MYMX: variants seen among roughly 807,000 people sequenced by gnomAD.
MYMX encodes the protein protein myomixer.
At chr6:44,202,525 G>A in the MYMX span, among the ~76,000 whole-genome samples, 85,018 of 151,668 alleles carry the variant, frequency 0.56, 25,678 homozygotes, top group African/African-American at 0.77. Context: ...TCAGGGAAGT[G>A]CAGGAAGGAT....
At chr6:44,204,542 A>T in the MYMX span, among the ~76,000 whole-genome samples, 1 of 152,218 alleles carries the variant, frequency 6.6e-6, no homozygotes, top group Non-Finnish European at 1.5e-5. Context: ...TTGCTCTGAA[A>T]AGCTGTTCTT....
At chr6:44,193,183 G>A in the MYMX span, among the ~76,000 whole-genome samples, 5 of 152,146 alleles carry the variant, frequency 3.3e-5, no homozygotes, top group Non-Finnish European at 5.9e-5. Context: ...CCATATACTT[G>A]TAAATAATAA....
At chr6:44,196,431 C>A in the MYMX span, among the ~76,000 whole-genome samples, 1 of 152,208 alleles carries the variant, frequency 6.6e-6, no homozygotes, top group Admixed American at 6.5e-5. Context: ...GTAATGCCAG[C>A]ACTTTGGGAG....
chr6:44,194,182 T>C, the MYMX span, among the ~76,000 whole-genome samples: 2 of 152,240 alleles, frequency 1.3e-5, no homozygotes, highest in Admixed American at 6.5e-5. Context: ...TCTGTTGTCA[T>C]AATTGGTATG....
chr6:44,211,464 T>G, the MYMX span, among the ~76,000 whole-genome samples: 1 of 151,622 alleles, frequency 6.6e-6, no homozygotes, highest in South Asian at 2.1e-4. Context: ...AATGGGGAGG[T>G]GCATGGGGAA....
upstream of MYMX, among the ~76,000 whole-genome samples, chr6:44,215,651 T>G (rs1330928703): frequency 6.6e-6 from 1 of 151,918 alleles, no homozygotes; most frequent in African/African-American, 2.4e-5. Context: ...TCCCAACACT[T>G]TGGGAGGCCA....
chr6:44,205,048 G>A, the MYMX span, among the ~76,000 whole-genome samples: 2 of 151,908 alleles, frequency 1.3e-5, no homozygotes, highest in Non-Finnish European at 2.9e-5. Context: ...TTTGGCCAAC[G>A]GGTGAGCATG....
chr6:44,210,235 G>A, the MYMX span, among the ~76,000 whole-genome samples: 15 of 151,364 alleles, frequency 9.9e-5, no homozygotes, highest in African/African-American at 2.7e-4. Flanking sequence ...GTGAGCCACC[G>A]GGCCCGGCCA....
chr6:44,210,655 T>A, the MYMX span, among the ~76,000 whole-genome samples: 1 of 152,248 alleles, frequency 6.6e-6, no homozygotes, highest in Non-Finnish European at 1.5e-5. Context: ...TTACTCTCTT[T>A]AAGTTATACT....
the MYMX span, among the ~76,000 whole-genome samples, chr6:44,194,616 G>T: frequency 2.6e-5 from 4 of 152,188 alleles, no homozygotes; most frequent in Admixed American, 6.5e-5. Context: ...GAGAGGAAAG[G>T]CAGGGTGGAA....
At chr6:44,213,241 C>A (rs1223621720), upstream of MYMX, among the ~76,000 whole-genome samples, 1 of 151,266 alleles carries the variant, frequency 6.6e-6, no homozygotes, top group African/African-American at 2.4e-5. Context: ...CAAAAATTAG[C>A]TGGGCGTGGT....
the MYMX span, among the ~76,000 whole-genome samples, chr6:44,204,974 C>T: frequency 6.6e-6 from 1 of 152,078 alleles, no homozygotes; most frequent in South Asian, 2.1e-4. Context: ...AGTTTGAGTA[C>T]CTGATGTGCA....
the MYMX span, among the ~76,000 whole-genome samples, chr6:44,196,401 G>C: frequency 2.0e-4 from 30 of 152,260 alleles, 1 homozygote; most frequent in East Asian, 5.2e-3. Flanking sequence ...TCTTTAGGCT[G>C]GGAGCAGTGG....
chr6:44,206,925 G>A, the MYMX span, among the ~76,000 whole-genome samples: 3 of 152,106 alleles, frequency 2.0e-5, no homozygotes, highest in Non-Finnish European at 4.4e-5. Flanking sequence ...GTCAGCTCTC[G>A]AGGTGTTTGT....
chr6:44,197,798 G>C, the MYMX span, among the ~76,000 whole-genome samples: 1 of 152,066 alleles, frequency 6.6e-6, no homozygotes, highest in Non-Finnish European at 1.5e-5. Context: ...TGTTGCCCAG[G>C]TTGGCCTTGA....
chr6:44,215,908 A>AATG, upstream of MYMX, among the ~76,000 whole-genome samples: 1 of 152,170 alleles, frequency 6.6e-6, no homozygotes, highest in Non-Finnish European at 1.5e-5. Context: ...TAATAATAAT[A>AATG]ATAAATAAAT....
chr6:44,199,060 GT>G, the MYMX span, among the ~76,000 whole-genome samples: 1 of 152,082 alleles, frequency 6.6e-6, no homozygotes, highest in Non-Finnish European at 1.5e-5. Flanking sequence ...TCTTGGATCT[GT>G]TTCTAATCTC....
the MYMX span, among the ~76,000 whole-genome samples, chr6:44,195,054 T>C: frequency 0.59 from 89,017 of 151,784 alleles, 26,320 homozygotes; most frequent in Middle Eastern, 0.66. Flanking sequence ...CTTGCTCTGT[T>C]GCTCAGGCTG....
upstream of MYMX, among the ~76,000 whole-genome samples, chr6:44,214,252 T>C (rs952858691): frequency 6.6e-6 from 1 of 152,236 alleles, no homozygotes. Flanking sequence ...AGGGAAATCA[T>C]ACTAGTATCT....
Sources: allele counts gnomAD v4.1 joint callset (sites outside exome capture counted in the v4.1 genomes callset), GRCh38; gene constraint gnomAD v4.1.1; transcripts MANE v1.5; gene names NCBI Gene and HGNC (gene_info 2026-07-23, HGNC 2026-07-21).